The following SLC26A7 variants were observed in gnomAD, a reference collection of about 807,000 sequenced individuals.
The protein encoded by SLC26A7 is anion exchange transporter.
SLC26A7 carries 59 observed loss-of-function variants against 82.5 expected under a neutral mutation model. The ratio of observed to expected loss-of-function variants is 0.72; its 90% CI spans 0.58 to 0.89. The LOEUF is 0.89. Among genes scored for constraint, SLC26A7 ranks in the 40% least tolerant of loss-of-function variants. The pLI is 0.00. For missense variants in SLC26A7, 820 were observed against 793.0 expected (o/e 1.03, Z -0.41); for synonymous variants, 271 against 274.3 (o/e 0.99, Z 0.12).
intron 16 of SLC26A7, among the ~76,000 whole-genome samples, chr8:91,393,140 C>A (rs931041764): frequency 6.6e-6 from 1 of 152,090 alleles, no homozygotes; most frequent in African/African-American, 2.4e-5. Context: ...GTAACTAAAA[C>A]GCCTAAATTT....
At chr8:91,264,169 A>G (rs1811046732) in intron 2 of SLC26A7, among the ~76,000 whole-genome samples, 1 of 152,104 alleles carries the variant, frequency 6.6e-6, no homozygotes, top group Non-Finnish European at 1.5e-5. Context: ...AAAATAACAT[A>G]TAGGAATCCA....
intron 4 of SLC26A7, among the ~76,000 whole-genome samples, chr8:91,313,361 A>G (rs1812540780): frequency 6.6e-6 from 1 of 152,172 alleles, no homozygotes; most frequent in South Asian, 2.1e-4. Flanking sequence ...TGCCAGTACC[A>G]CACTGCTTTG....
Position 91,249,818 on chromosome 8 carries a change from T to C in SLC26A7, c.167T>C (p.Met56Thr), listed in dbSNP as rs754521460. Residue 56 changes from methionine to threonine, a missense_variant, in exon 2 of 19, where the codon ATG (methionine) becomes ACG (threonine). By Grantham distance (81) the Met-to-Thr change is moderately conservative. Transcript: ENST00000276609. ...NLLPDTVSGI[M>T]LAVQQVTQGL... Reference sequence around the variant, plus strand: ...CTTCCAGACACTGTGTCTGGGATAATGTTGGCAGTTCAACAGGTGACCCAA... The same window carrying C: ...CTTCCAGACACTGTGTCTGGGATAACGTTGGCAGTTCAACAGGTGACCCAA... 6.2e-7 allele frequency: 1 copy of C among 1,606,964 alleles called. No homozygotes were observed. The highest frequency in any genetic ancestry group is 1.3e-5 in the African/African-American group (1 of 74,522).
chr8:91,394,151 G>A (rs1489391534), intron 18 of SLC26A7, 112 bp downstream of exon 18: 5 of 1,595,352 alleles, frequency 3.1e-6, no homozygotes, highest in South Asian at 2.2e-5. Context: ...AAATCTGTTA[G>A]CCCCCCACCC....
chr8:91,240,418 T>C (rs1479770346), intron 2 of SLC26A7, among the ~76,000 whole-genome samples: 3 of 152,236 alleles, frequency 2.0e-5, no homozygotes, highest in Non-Finnish European at 4.4e-5. Flanking sequence ...CCCTATGTGC[T>C]ATTTCTTGAA....
chr8:91,269,173 T>C (rs2130731108), intron 2 of SLC26A7, among the ~76,000 whole-genome samples: 2 of 152,214 alleles, frequency 1.3e-5, no homozygotes, highest in Middle Eastern at 6.8e-3. Context: ...ATGCTCACTT[T>C]TACCAGTGAG....
intron 2 of SLC26A7, among the ~76,000 whole-genome samples, chr8:91,221,549 T>A (rs938707912): frequency 6.6e-6 from 1 of 152,196 alleles, no homozygotes; most frequent in Non-Finnish European, 1.5e-5. Flanking sequence ...AGTTTTTGTA[T>A]AAGGTGTAAG....
intron 15 of SLC26A7, among the ~76,000 whole-genome samples, chr8:91,373,559 C>T (rs1253692940): frequency 6.6e-6 from 1 of 151,924 alleles, no homozygotes; most frequent in Non-Finnish European, 1.5e-5. Context: ...ATCCTTGTGT[C>T]CCTGGAATAA....
chr8:91,223,689 T>C (rs1810195397), intron 2 of SLC26A7, among the ~76,000 whole-genome samples: 1 of 152,158 alleles, frequency 6.6e-6, no homozygotes, highest in African/African-American at 2.4e-5. Context: ...CCAATGGTTT[T>C]CTCTGTATTT....
chr8:91,363,561 T>C lies in SLC26A7; in HGVS notation c.1488+23T>C, dbSNP rs189709772. On this transcript the variant is annotated intron_variant, in intron 13 of 18. Transcript: ENST00000276609. The stretch of plus-strand genomic sequence containing the variant: ...AGTGTAAGTTTAGTTTTATTTTTCC[T>C]TTATGCAATTGTTAATCATTTTGTG... 1.8e-3 allele frequency: 2,394 copies of C among 1,333,806 alleles called. 6 individuals are homozygous for C. Among genetic ancestry groups the C allele is most frequent in the Non-Finnish European group, 2.2e-3 (2,130 of 959,826 alleles). 82.6% of individuals were successfully genotyped at this position (1,333,806 alleles called of 1,614,324 possible).
chr8:91,362,701 A>T (rs1814083127), intron 12 of SLC26A7, among the ~76,000 whole-genome samples: 1 of 152,088 alleles, frequency 6.6e-6, no homozygotes, highest in Admixed American at 6.6e-5. Flanking sequence ...AAAATAGAAT[A>T]TATAAACTCT....
In SLC26A7 at chr8:91,239,395, A is replaced by AAAAT. The variant is rs1554600121; in HGVS notation, c.-33-10223_-33-10222insAATA. On this transcript the variant is annotated intron_variant, in intron 2 of 5. Coordinates refer to the SLC26A7 transcript ENST00000522862. ...CGTCTCAAAAAAAAAAAAAAAAAAA[A>AAAAT]ATATATATATATATATGTATATGTA... Among the ~76,000 whole-genome samples, 81 of 94,774 alleles carry AAAAT rather than the reference A, an allele frequency of 8.5e-4. 1 individual carries two copies. The highest frequency in any genetic ancestry group is 2.0e-3 in the African/African-American group (57 of 28,342). 62.2% of individuals were successfully genotyped at this position (94,774 alleles called of 152,430 possible).
At chr8:91,282,046 G>A (rs113935055) in intron 2 of SLC26A7, among the ~76,000 whole-genome samples, 23 of 151,918 alleles carry the variant, frequency 1.5e-4, no homozygotes, top group East Asian at 3.9e-4. Context: ...ATCATTTTTC[G>A]TTCAGGTGTA....
Position 91,366,657 on chromosome 8 carries a change from T to C in SLC26A7, c.1566T>C (p.Asp522=), listed in dbSNP as rs750203396. The part of the protein sequence containing the change: ...VFLNAKKFYT[D]LMNMIQKENA... ...TGAATGCAAAAAAATTTTATACTGATTTAATGAACATGATCCAAAAGGAAA... is the reference window on the plus strand; with the variant it reads ...TGAATGCAAAAAAATTTTATACTGACTTAATGAACATGATCCAAAAGGAAA... Residue 522 remains aspartate (D), a synonymous_variant, in exon 14 of 19, where the codon GAT becomes GAC. Transcript: ENST00000276609. The C allele has an allele frequency of 1.2e-6, 2 of 1,613,606 alleles. No homozygotes were observed. The highest frequency in any genetic ancestry group is 1.7e-6 in the Non-Finnish European group (2 of 1,179,886).
intron 11 of SLC26A7, among the ~76,000 whole-genome samples, chr8:91,354,362 T>G (rs571766081): frequency 1.3e-5 from 2 of 152,040 alleles, no homozygotes; most frequent in Non-Finnish European, 1.5e-5. Flanking sequence ...GATACAGAGA[T>G]GAGTGTGAAC....
intron 2 of SLC26A7, among the ~76,000 whole-genome samples, chr8:91,274,861 C>T (rs992381908): frequency 1.7e-4 from 26 of 152,162 alleles, no homozygotes; most frequent in African/African-American, 5.3e-4. Context: ...ATTAGCTTTG[C>T]AAGAAATCTT....
chr8:91,218,094 A>G (rs1192730174), intron 1 of SLC26A7, among the ~76,000 whole-genome samples: 1 of 152,136 alleles, frequency 6.6e-6, no homozygotes, highest in Admixed American at 6.6e-5. Flanking sequence ...ACAGCAATCA[A>G]ATCTCTCATT....
intron 11 of SLC26A7, among the ~76,000 whole-genome samples, chr8:91,355,444 C>T (rs1429785730): frequency 6.6e-6 from 1 of 151,726 alleles, no homozygotes; most frequent in Non-Finnish European, 1.5e-5. Context: ...TATATTTTCC[C>T]ATGATTATTT....
chr8:91,284,278 A>G (rs1586361813), intron 2 of SLC26A7, among the ~76,000 whole-genome samples: 1 of 152,324 alleles, frequency 6.6e-6, no homozygotes, highest in East Asian at 1.9e-4. Flanking sequence ...AATGTGGTGA[A>G]TACCCTAACA....
Sources: allele counts gnomAD v4.1 joint callset (sites outside exome capture counted in the v4.1 genomes callset), GRCh38; gene constraint gnomAD v4.1.1; transcripts MANE v1.5; gene names NCBI Gene and HGNC (gene_info 2026-07-23, HGNC 2026-07-21).